Variants in NSUN6 observed in about 807,000 individuals in gnomAD.
The protein encoded by NSUN6 is tRNA (cytosine(72)-C(5))-methyltransferase NSUN6.
In NSUN6, 64 loss-of-function variants were observed where a neutral mutation model predicts 58.0. The observed-to-expected ratio is 1.10, with a 90% CI of 0.90 to 1.36. The LOEUF is 1.36. Ranked by LOEUF, NSUN6 falls within the 40% of genes most tolerant of loss-of-function variation. The probability of loss-of-function intolerance (pLI) is 0.00; values close to 1 mark genes in which losing one functional copy is unlikely to be tolerated. For synonymous variants in NSUN6, 231 were observed against 193.9 expected (o/e 1.19, Z -1.59); for missense variants, 701 against 550.1 (o/e 1.27, Z -2.74).
At chr10:18,656,063 G>A (rs1420367524), upstream of NSUN6, among the ~76,000 whole-genome samples, 2 of 152,220 alleles carry the variant, frequency 1.3e-5, no homozygotes, top group African/African-American at 2.4e-5. Flanking sequence ...CGTAATGATA[G>A]GAGCGAGACG....
Position 18,551,878 on chromosome 10 carries a change from C to T in NSUN6, c.1016G>A (p.Trp339Ter). The change falls in exon 9 of 11, where the codon TGG becomes TAG. Residue 339 changes from tryptophan to a stop codon, truncating the protein, a stop_gained. Coordinates refer to ENST00000377304, the MANE Select transcript of NSUN6 (RefSeq NM_182543.5). LOFTEE classifies it high-confidence loss of function. The part of the protein sequence containing the change: ...MGQRPNMACT[W>*]SVKEVASYQP... ...ATATGATGCCACTTCCTTCACAGAC[C>T]AAGTACAGGCCATGTTTGGTCTCTG... The T allele has an allele frequency of 6.2e-7, 1 of 1,613,374 alleles. No homozygotes were observed. Among genetic ancestry groups the T allele is most frequent in the Non-Finnish European group, 8.5e-7 (1 of 1,179,434 alleles).
chr10:18,584,178 C>T (rs1270981013), intron 8 of NSUN6, among the ~76,000 whole-genome samples: 1 of 152,180 alleles, frequency 6.6e-6, no homozygotes, highest in Admixed American at 6.5e-5. Flanking sequence ...GAGGACATAT[C>T]GAAATCATGC....
At chr10:18,590,043 A>T (rs1589977732) in intron 7 of NSUN6, among the ~76,000 whole-genome samples, 1 of 152,332 alleles carries the variant, frequency 6.6e-6, no homozygotes, top group Non-Finnish European at 1.5e-5. Flanking sequence ...CACAGGCTCA[A>T]AATAAAGGAA....
intron 6 of NSUN6, among the ~76,000 whole-genome samples, chr10:18,608,903 T>C (rs1453980812): frequency 6.6e-6 from 1 of 152,196 alleles, no homozygotes; most frequent in Non-Finnish European, 1.5e-5. Flanking sequence ...AGGTTATATA[T>C]CCTAATGTGT....
intron 3 of NSUN6, among the ~76,000 whole-genome samples, chr10:18,636,399 A>G (rs1318387942): frequency 1.3e-5 from 2 of 150,726 alleles, no homozygotes; most frequent in South Asian, 2.1e-4. Flanking sequence ...GGTGGCTGGC[A>G]CTTATAATCC....
At chr10:18,615,849 C>T (rs944744361) in intron 4 of NSUN6, among the ~76,000 whole-genome samples, 3 of 152,104 alleles carry the variant, frequency 2.0e-5, no homozygotes, top group Admixed American at 6.6e-5. Flanking sequence ...GATGTTCTCT[C>T]ACTAATGACA....
At chr10:18,650,153 T>A (rs751715245) in intron 1 of NSUN6, among the ~76,000 whole-genome samples, 26 of 151,968 alleles carry the variant, frequency 1.7e-4, no homozygotes, top group Non-Finnish European at 2.6e-4. Context: ...CAAACAAAAT[T>A]AACATTTTTT....
intron 2 of NSUN6, among the ~76,000 whole-genome samples, chr10:18,647,429 T>A (rs986439041): frequency 2.6e-5 from 4 of 152,200 alleles, no homozygotes; most frequent in African/African-American, 9.7e-5. Flanking sequence ...CATCCTACAT[T>A]GCTTTTGAGG....
At chr10:18,554,544 G>A (rs1469664071) in intron 8 of NSUN6, among the ~76,000 whole-genome samples, 2 of 151,146 alleles carry the variant, frequency 1.3e-5, no homozygotes, top group Non-Finnish European at 3.0e-5. Context: ...GGTATGAATG[G>A]AATAGAGAAT....
chr10:18,576,417 A>G (rs968113420), intron 8 of NSUN6, among the ~76,000 whole-genome samples: 2 of 152,146 alleles, frequency 1.3e-5, no homozygotes, highest in African/African-American at 4.8e-5. Flanking sequence ...CTTACCCTCA[A>G]TGTAGAGCTT....
At chr10:18,640,175 T>C (rs1288041206) in intron 3 of NSUN6, among the ~76,000 whole-genome samples, 3 of 152,256 alleles carry the variant, frequency 2.0e-5, no homozygotes, top group East Asian at 1.9e-4. Context: ...CAGAACATTG[T>C]AATCTTTTCT....
intron 3 of NSUN6, among the ~76,000 whole-genome samples, chr10:18,631,509 T>C (rs1230877663): frequency 8.6e-4 from 108 of 125,084 alleles, no homozygotes; most frequent in South Asian, 3.5e-3. Flanking sequence ...AAAACCCCAT[T>C]GTCTCAGCCC....
At chr10:18,621,284 G>C (rs1195372834) in intron 3 of NSUN6, among the ~76,000 whole-genome samples, 3 of 152,160 alleles carry the variant, frequency 2.0e-5, no homozygotes, top group African/African-American at 7.2e-5. Context: ...GACTCCCCTG[G>C]AAGAGGACTC....
At chr10:18,607,565 C>T (rs1369467660) in intron 6 of NSUN6, among the ~76,000 whole-genome samples, 5 of 152,118 alleles carry the variant, frequency 3.3e-5, no homozygotes, top group African/African-American at 4.8e-5. Context: ...TTTGGGAAAC[C>T]GTCAAAGAAA....
intron 7 of NSUN6, among the ~76,000 whole-genome samples, chr10:18,590,146 T>C (rs1197100377): frequency 1.3e-5 from 2 of 151,468 alleles, no homozygotes; most frequent in Non-Finnish European, 2.9e-5. Flanking sequence ...CCAACAAAGA[T>C]CAAAAAAGAC....
upstream of NSUN6, among the ~76,000 whole-genome samples, chr10:18,656,690 G>T (rs2059781052): frequency 6.6e-6 from 1 of 151,660 alleles, no homozygotes; most frequent in Admixed American, 6.6e-5. Context: ...TTCCCGAGTT[G>T]TTTGACATTT....
At chr10:18,579,587 G>A (rs973177407) in intron 8 of NSUN6, among the ~76,000 whole-genome samples, 17 of 152,274 alleles carry the variant, frequency 1.1e-4, no homozygotes, top group Middle Eastern at 3.4e-3. Flanking sequence ...TTAAGAATGC[G>A]TCCATGACAC....
At chr10:18,585,799 C>CACAAG (rs45626038) in intron 8 of NSUN6, 150 bp downstream of exon 8, 446,276 of 562,230 alleles carry the variant, frequency 0.79, 178,072 homozygotes, top group East Asian at 0.98. Flanking sequence ...TTCAAATTAC[C>CACAAG]ACAAGGATAA....
intron 7 of NSUN6, 116 bp downstream of exon 7, chr10:18,596,092 T>A: frequency 1.2e-6 from 1 of 806,494 alleles, no homozygotes; most frequent in East Asian, 2.5e-5. Flanking sequence ...CTGAATAGTT[T>A]TCATTTTGGC....
Sources: allele counts gnomAD v4.1 joint callset (sites outside exome capture counted in the v4.1 genomes callset), GRCh38; gene constraint gnomAD v4.1.1; transcripts MANE v1.5; gene names NCBI Gene and HGNC (gene_info 2026-07-23, HGNC 2026-07-21).